Variants in PARD3 observed in about 807,000 individuals in gnomAD.
The protein encoded by PARD3 is par-3 family cell polarity regulator.
A neutral mutation model predicts 155.4 loss-of-function variants in PARD3; 75 were observed. That is an observed-to-expected ratio of 0.48 (90% CI 0.40 to 0.58). The LOEUF (loss-of-function observed/expected upper bound fraction) is 0.58, where lower values mean the gene tolerates loss of function less well. PARD3 is among the 20% of genes least tolerant of loss of function. The pLI, the probability that PARD3 is intolerant of heterozygous loss-of-function variation, is 0.00. For synonymous variants in PARD3, 576 were observed against 610.5 expected (o/e 0.94, Z 0.83); for missense variants, 1,642 against 1,721.7 (o/e 0.95, Z 0.82).
intron 1 of PARD3, among the ~76,000 whole-genome samples, chr10:34,758,330 C>G (rs1837006445): frequency 6.6e-6 from 1 of 152,166 alleles, no homozygotes; most frequent in African/African-American, 2.4e-5. Context: ...GTAGTATGCT[C>G]CCCATTTTAC....
At chr10:34,208,502 C>T (rs576803476) in intron 22 of PARD3, among the ~76,000 whole-genome samples, 7 of 152,304 alleles carry the variant, frequency 4.6e-5, no homozygotes, top group African/African-American at 1.4e-4. Context: ...CCTTTCAGTA[C>T]GTTTTTAACA....
intron 2 of PARD3, among the ~76,000 whole-genome samples, chr10:34,691,084 A>T (rs1052600591): frequency 4.6e-5 from 7 of 152,194 alleles, no homozygotes; most frequent in African/African-American, 1.7e-4. Flanking sequence ...GGCATCGTGC[A>T]GTATGCCTAT....
Position 34,650,545 on chromosome 10 carries a change from A to AT in PARD3, c.222+45772dup, listed in dbSNP as rs111554157. Among the ~76,000 whole-genome samples the AT allele has an allele frequency of 3.5e-3, 527 of 151,722 alleles. 3 individuals are homozygous for AT. Among genetic ancestry groups the AT allele is most frequent in the African/African-American group, 0.012 (489 of 41,384 alleles). ...GGAGAACTCTAAAGATGAAGTGGAC[A>AT]TTTTTTTTTAAGTTGCTTCAATGAT... On this transcript the variant is annotated intron_variant, in intron 2 of 24. Transcript: ENST00000374788.
At chr10:34,344,991 T>G (rs1837252562) in intron 15 of PARD3, 1 of 985,394 alleles carries the variant, frequency 1.0e-6, no homozygotes, top group African/African-American at 1.7e-5. Context: ...TTAACGTCTT[T>G]GATTTTTTTA....
intron 3 of PARD3, among the ~76,000 whole-genome samples, chr10:34,482,808 T>C (rs11009802): frequency 0.056 from 8,427 of 151,256 alleles, 791 homozygotes; most frequent in African/African-American, 0.19. Context: ...AGAGGGAGGA[T>C]AGAGGGGCAT....
At chr10:34,210,498 C>T (rs188224351) in intron 22 of PARD3, among the ~76,000 whole-genome samples, 189 of 152,160 alleles carry the variant, frequency 1.2e-3, no homozygotes, top group African/African-American at 4.2e-3. Flanking sequence ...GTGGAGTATA[C>T]GTAACAGCTC....
intron 22 of PARD3, among the ~76,000 whole-genome samples, chr10:34,174,531 T>C (rs920768932): frequency 2.6e-5 from 4 of 152,176 alleles, no homozygotes; most frequent in Non-Finnish European, 4.4e-5. Flanking sequence ...CGTGGAGTCC[T>C]GAAACCCTGG....
At chr10:34,127,341 T>A (rs904485386) in intron 23 of PARD3, among the ~76,000 whole-genome samples, 1 of 152,180 alleles carries the variant, frequency 6.6e-6, no homozygotes, top group South Asian at 2.1e-4. Context: ...TTAAAATATA[T>A]TCCAATTTCA....
At chr10:34,314,477 C>T (rs1486192810) in intron 20 of PARD3, among the ~76,000 whole-genome samples, 1 of 152,198 alleles carries the variant, frequency 6.6e-6, no homozygotes, top group Non-Finnish European at 1.5e-5. Context: ...AGGGCTGGCG[C>T]AGTGGTTTGC....
intron 1 of PARD3, among the ~76,000 whole-genome samples, chr10:34,801,280 CAG>C (rs1842819506): frequency 6.6e-6 from 1 of 152,180 alleles, no homozygotes; most frequent in Non-Finnish European, 1.5e-5. Context: ...AGGAAGGGAT[CAG>C]AGTCAAAATA....
At chr10:34,756,162 T>TTC (rs1391396412) in intron 1 of PARD3, among the ~76,000 whole-genome samples, 1 of 145,618 alleles carries the variant, frequency 6.9e-6, no homozygotes, top group Non-Finnish European at 1.5e-5. Flanking sequence ...TTTTTTTTTT[T>TTC]TTTTTTTTTG....
At chr10:34,751,503 C>T (rs1836025664) in intron 1 of PARD3, among the ~76,000 whole-genome samples, 1 of 152,190 alleles carries the variant, frequency 6.6e-6, no homozygotes. Context: ...AATTGTCCTA[C>T]ACATCCCTTC....
At chr10:34,458,411 C>T (rs2077445801) in intron 4 of PARD3, among the ~76,000 whole-genome samples, 1 of 152,108 alleles carries the variant, frequency 6.6e-6, no homozygotes, top group South Asian at 2.1e-4. Context: ...CTATGTTGCT[C>T]AGGCTGGTCT....
chr10:34,304,693 C>T (rs1043940125), intron 20 of PARD3, among the ~76,000 whole-genome samples: 18 of 152,196 alleles, frequency 1.2e-4, no homozygotes, highest in African/African-American at 4.3e-4. Flanking sequence ...TTCTTCTCCA[C>T]ACCTTTATGT....
chr10:34,170,920 C>T (rs754786205), intron 22 of PARD3, among the ~76,000 whole-genome samples: 39 of 152,130 alleles, frequency 2.6e-4, no homozygotes, highest in Non-Finnish European at 4.1e-4. Context: ...ATGTGCTAGA[C>T]GCGGAATTCA....
At chr10:34,121,907 C>T (rs1947025516) in intron 23 of PARD3, among the ~76,000 whole-genome samples, 1 of 152,214 alleles carries the variant, frequency 6.6e-6, no homozygotes, top group Non-Finnish European at 1.5e-5. Context: ...GCAAGAAAAA[C>T]ACTTCGCTGA....
intron 22 of PARD3, among the ~76,000 whole-genome samples, chr10:34,197,824 G>A (rs1369087499): frequency 6.6e-6 from 1 of 152,312 alleles, no homozygotes; most frequent in East Asian, 1.9e-4. Context: ...CTGCCTCCCA[G>A]GTTCAAGTGA....
At chr10:34,174,497 G>A (rs911747302) in intron 22 of PARD3, among the ~76,000 whole-genome samples, 7 of 152,146 alleles carry the variant, frequency 4.6e-5, no homozygotes, top group African/African-American at 1.7e-4. Context: ...TAAGAAAGAG[G>A]GGAAGAGCAT....
At chr10:34,128,813 G>A (rs905030881) in intron 23 of PARD3, among the ~76,000 whole-genome samples, 6 of 152,152 alleles carry the variant, frequency 3.9e-5, no homozygotes, top group African/African-American at 1.4e-4. Context: ...CTCAGAGATC[G>A]TCTAGACTTT....
Sources: gnomAD v4.1 joint callset for allele counts (sites outside exome capture counted in the v4.1 genomes callset) on GRCh38, gnomAD v4.1.1 for gene constraint, MANE v1.5 for transcripts, NCBI Gene and HGNC (gene_info 2026-07-23, HGNC 2026-07-21) for gene names.